The following CLYBL variants were observed in gnomAD, a reference collection of about 807,000 sequenced individuals.
The protein encoded by CLYBL is citramalyl-CoA lyase, mitochondrial.
In CLYBL, 31 loss-of-function variants were observed where a neutral mutation model predicts 38.9. The ratio of observed to expected loss-of-function variants is 0.80; its 90% CI spans 0.60 to 1.08. CLYBL has a LOEUF of 1.08. CLYBL is among the 50% of genes least tolerant of loss of function. CLYBL has a pLI of 0.00. For synonymous variants in CLYBL, 171 were observed against 158.6 expected (o/e 1.08, Z -0.59); for missense variants, 434 against 411.6 (o/e 1.05, Z -0.47).
intron 2 of CLYBL, among the ~76,000 whole-genome samples, chr13:99,808,168 G>A (rs1311589106): frequency 3.9e-5 from 6 of 152,090 alleles, no homozygotes; most frequent in Non-Finnish European, 5.9e-5. Context: ...TCACTGCAGC[G>A]TGGACCGCCT....
At chr13:99,790,780 A>G (rs967076207) in intron 2 of CLYBL, among the ~76,000 whole-genome samples, 1 of 152,184 alleles carries the variant, frequency 6.6e-6, no homozygotes, top group African/African-American at 2.4e-5. Context: ...CACAACTGGA[A>G]TCCTGAACTC....
chr13:99,684,186 ATTTTTTTT>A, intron 1 of CLYBL, among the ~76,000 whole-genome samples: 1 of 108,018 alleles, frequency 9.3e-6, no homozygotes. Flanking sequence ...GGCATGTTTG[ATTTTTTTT>A]TTTTTTTTTT....
At chr13:99,674,142 C>CTTTTTTTTT (rs1167068936) in intron 1 of CLYBL, among the ~76,000 whole-genome samples, 2 of 51,156 alleles carry the variant, frequency 3.9e-5, no homozygotes, top group Admixed American at 2.2e-4. Flanking sequence ...TACTAGAATT[C>CTTTTTTTTT]TTTTTTTTTT....
chr13:99,679,650 T>C (rs2047705281), intron 1 of CLYBL, among the ~76,000 whole-genome samples: 1 of 151,984 alleles, frequency 6.6e-6, no homozygotes, highest in African/African-American at 2.4e-5. Context: ...AAATGACACA[T>C]CTGTCCAAAT....
chr13:99,741,272 T>C (rs769402638), intron 1 of CLYBL, among the ~76,000 whole-genome samples: 8 of 152,044 alleles, frequency 5.3e-5, no homozygotes, highest in Non-Finnish European at 1.2e-4. Flanking sequence ...TCTAGGAAGT[T>C]TGGTGGTGTT....
intron 1 of CLYBL, among the ~76,000 whole-genome samples, chr13:99,625,350 C>T (rs7490120): frequency 1.3e-5 from 2 of 152,182 alleles, no homozygotes; most frequent in Non-Finnish European, 1.5e-5. Flanking sequence ...GGATTAGCAG[C>T]GTTTAGGCTC....
chr13:99,815,366 TG>T (rs1396149112), intron 2 of CLYBL, among the ~76,000 whole-genome samples: 1 of 152,132 alleles, frequency 6.6e-6, no homozygotes, highest in East Asian at 1.9e-4. Context: ...AGAGCAAGCC[TG>T]GGCAAAATAG....
chr13:99,677,911 A>C (rs2047677446), intron 1 of CLYBL, among the ~76,000 whole-genome samples: 1 of 152,184 alleles, frequency 6.6e-6, no homozygotes, highest in African/African-American at 2.4e-5. Context: ...GACTACATAA[A>C]ATTTTATTTC....
chr13:99,781,988 A>G (rs1008025824), intron 2 of CLYBL, among the ~76,000 whole-genome samples: 1 of 152,188 alleles, frequency 6.6e-6, no homozygotes, highest in Non-Finnish European at 1.5e-5. Context: ...TTTTTGCTCA[A>G]TATTTTAGTT....
intron 2 of CLYBL, among the ~76,000 whole-genome samples, chr13:99,815,012 T>A (rs1401758902): frequency 6.6e-6 from 1 of 152,034 alleles, no homozygotes; most frequent in African/African-American, 2.4e-5. Context: ...GGCAACAGAT[T>A]GAGACCCCAT....
At chr13:99,661,969 T>C (rs779657650) in intron 1 of CLYBL, among the ~76,000 whole-genome samples, 2 of 152,162 alleles carry the variant, frequency 1.3e-5, no homozygotes, top group African/African-American at 2.4e-5. Flanking sequence ...ACTAAACTTT[T>C]GTGAAGAGAG....
At chr13:99,731,986 C>A (rs565686920) in intron 1 of CLYBL, among the ~76,000 whole-genome samples, 2 of 152,030 alleles carry the variant, frequency 1.3e-5, no homozygotes, top group African/African-American at 4.8e-5. Flanking sequence ...CCTGCACGAA[C>A]GGTACCAGGG....
chr13:99,792,226 G>T, intron 2 of CLYBL, among the ~76,000 whole-genome samples: 1 of 152,192 alleles, frequency 6.6e-6, no homozygotes, highest in Admixed American at 6.5e-5. Flanking sequence ...GCACCATCTG[G>T]CTGAGGACAG....
chr13:99,880,906 G>T (rs2052189341), intron 7 of CLYBL, among the ~76,000 whole-genome samples: 1 of 152,206 alleles, frequency 6.6e-6, no homozygotes, highest in Non-Finnish European at 1.5e-5. Context: ...TCCACTAACT[G>T]CCCAGGGTGC....
chr13:99,664,924 T>C (rs914148258), intron 1 of CLYBL, among the ~76,000 whole-genome samples: 3 of 152,124 alleles, frequency 2.0e-5, no homozygotes, highest in African/African-American at 4.8e-5. Context: ...CCCATAATTA[T>C]AGCATAATAA....
chr13:99,668,356 A>G (rs2047514287), intron 1 of CLYBL, among the ~76,000 whole-genome samples: 1 of 152,064 alleles, frequency 6.6e-6, no homozygotes, highest in South Asian at 2.1e-4. Flanking sequence ...AGGCCAAGGC[A>G]GGTGGATCAC....
chr13:99,718,225 G>A (rs1337641845), intron 1 of CLYBL, among the ~76,000 whole-genome samples: 1 of 152,096 alleles, frequency 6.6e-6, no homozygotes, highest in Admixed American at 6.6e-5. Context: ...GAGATAAGTA[G>A]GGGTCACTTA....
chr13:99,609,324 G>C (rs1300310414), intron 1 of CLYBL, among the ~76,000 whole-genome samples: 1 of 151,570 alleles, frequency 6.6e-6, no homozygotes, highest in South Asian at 2.1e-4. Flanking sequence ...TTACAGGCAC[G>C]CGCCACCACG....
At chr13:99,819,947 CA>C (rs780633016) in intron 2 of CLYBL, among the ~76,000 whole-genome samples, 57 of 152,260 alleles carry the variant, frequency 3.7e-4, no homozygotes, top group Non-Finnish European at 5.9e-4. Flanking sequence ...TTAGCCCAGC[CA>C]AGTTGACACA....
Sources: gnomAD v4.1 joint callset for allele counts (sites outside exome capture counted in the v4.1 genomes callset) on GRCh38, gnomAD v4.1.1 for gene constraint, MANE v1.5 for transcripts, NCBI Gene and HGNC (gene_info 2026-07-23, HGNC 2026-07-21) for gene names.